KREMEN1: variants seen among roughly 807,000 people sequenced by gnomAD.
The protein encoded by KREMEN1 is kringle containing transmembrane protein 1.
In KREMEN1, 30 loss-of-function variants were observed where a neutral mutation model predicts 46.5. The ratio of observed to expected loss-of-function variants is 0.65; its 90% confidence interval spans 0.48 to 0.88. The LOEUF (loss-of-function observed/expected upper bound fraction) is 0.88. KREMEN1 is among the 40% of genes least tolerant of loss of function. The pLI is 0.00. For missense variants in KREMEN1, 533 were observed against 596.9 expected, an observed-to-expected ratio of 0.89 and a Z score of 1.11; for synonymous variants, 214 against 230.6, an observed-to-expected ratio of 0.93 and a Z score of 0.65.
chr22:29,101,252 C>CAAAAAA (rs368843166), intron 3 of KREMEN1, among the ~76,000 whole-genome samples: 5 of 74,786 alleles, frequency 6.7e-5, no homozygotes, highest in Admixed American at 1.7e-4. Context: ...AGTCTGTCTC[C>CAAAAAA]AAAAAAAAAA....
intron 1 of KREMEN1, among the ~76,000 whole-genome samples, chr22:29,074,868 A>C (rs894527402): frequency 6.6e-6 from 1 of 152,236 alleles, no homozygotes; most frequent in Non-Finnish European, 1.5e-5. Context: ...TGTTGTGAAG[A>C]TTAAATGATA....
intron 9 of KREMEN1, among the ~76,000 whole-genome samples, chr22:29,162,943 T>C (rs2145876801): frequency 6.6e-6 from 1 of 152,262 alleles, no homozygotes; most frequent in Admixed American, 6.5e-5. Flanking sequence ...AAGAATTAAA[T>C]CATGTACTTT....
At chr22:29,123,008 T>C (rs1217692080) in intron 4 of KREMEN1, among the ~76,000 whole-genome samples, 1 of 137,664 alleles carries the variant, frequency 7.3e-6, no homozygotes, top group Admixed American at 7.2e-5. Context: ...TCCAAAACAG[T>C]AGGCTAATTG....
intron 5 of KREMEN1, among the ~76,000 whole-genome samples, chr22:29,126,648 A>G (rs1321626378): frequency 1.3e-5 from 2 of 152,220 alleles, no homozygotes; most frequent in African/African-American, 2.4e-5. Flanking sequence ...TTATCTTTCT[A>G]GGGGACACAA....
chr22:29,161,081 A>G (rs2039005811), intron 9 of KREMEN1, among the ~76,000 whole-genome samples: 1 of 152,232 alleles, frequency 6.6e-6, no homozygotes, highest in South Asian at 2.1e-4. Flanking sequence ...CTCAGAGACT[A>G]TTATGAACAC....
chr22:29,102,858 A>G (rs2037997645), intron 3 of KREMEN1, among the ~76,000 whole-genome samples: 2 of 152,152 alleles, frequency 1.3e-5, no homozygotes, highest in Non-Finnish European at 2.9e-5. Context: ...TGAGAGCTCT[A>G]TAGTACCTGG....
At chr22:29,161,455 T>A (rs550327844) in intron 9 of KREMEN1, among the ~76,000 whole-genome samples, 2 of 130,442 alleles carry the variant, frequency 1.5e-5, no homozygotes, top group Non-Finnish European at 3.1e-5. Context: ...TGCAGTGAGC[T>A]GAGATTGCGC....
chr22:29,091,741 C>G (rs956267152), intron 1 of KREMEN1, among the ~76,000 whole-genome samples: 3 of 152,132 alleles, frequency 2.0e-5, no homozygotes, highest in Admixed American at 6.5e-5. Context: ...TTGTCTCTCT[C>G]TCTCTCTTTC....
intron 5 of KREMEN1, among the ~76,000 whole-genome samples, chr22:29,136,708 A>T (rs2038663000): frequency 6.6e-6 from 1 of 152,178 alleles, no homozygotes; most frequent in Non-Finnish European, 1.5e-5. Flanking sequence ...TATCAAAAAC[A>T]GGAGTCCAGA....
Position 29,144,146 on chromosome 22 carries a change from C to G in KREMEN1, c.*2034C>G, listed in dbSNP as rs1013850174. On this transcript the variant is annotated 3_prime_UTR_variant, in exon 9 of 9. Coordinates refer to ENST00000400335, the MANE Select transcript of KREMEN1 (RefSeq NM_001039570.3). ...GGCACTTGGGCCTGGGTGATTGTTG[C>G]GCCTCTGGCTTTGGCGTTTCCTCTT... 1 of 985,578 alleles carries G rather than the reference C, an allele frequency of 1.0e-6. No individual in the cohort carries two copies. Among genetic ancestry groups the G allele is most frequent in the East Asian group, 1.1e-4 (1 of 8,814 alleles). 61.1% of individuals were successfully genotyped at this position (985,578 alleles called of 1,614,324 possible). A position where few individuals can be genotyped will look rare whatever the true frequency, so the allele number is the denominator to read the frequency against.
chr22:29,108,440 C>T (rs1225797319), intron 3 of KREMEN1, among the ~76,000 whole-genome samples: 1 of 152,194 alleles, frequency 6.6e-6, no homozygotes, highest in Non-Finnish European at 1.5e-5. Flanking sequence ...TAGCTTTAGG[C>T]ACAATGACTC....
rs1395904246 is a variant in KREMEN1, at chr22:29,079,195, TTC to T, written c.97+5972_97+5973del. Among the ~76,000 whole-genome samples the T allele has an allele frequency of 2.0e-5, 3 of 152,314 alleles. No individual in the cohort carries two copies. The East Asian group carries it at 5.8e-4, about 29-fold the overall frequency. On this transcript the variant is annotated intron_variant, in intron 1 of 8. Coordinates refer to ENST00000400335, the MANE Select transcript of KREMEN1 (RefSeq NM_001039570.3). ...AATAACTACTCCACAGAAACGTGACTTCTCTTCTAAGGGAATTCCTTCCCCTC... is the reference window on the plus strand; with the variant it reads ...AATAACTACTCCACAGAAACGTGACTTCTTCTAAGGGAATTCCTTCCCCTC...
chr22:29,079,190 G>A (rs905345654), intron 1 of KREMEN1, among the ~76,000 whole-genome samples: 2 of 152,168 alleles, frequency 1.3e-5, no homozygotes, highest in Non-Finnish European at 2.9e-5. Flanking sequence ...CCACAGAAAC[G>A]TGACTTCTCT....
chr22:29,090,085 C>T (rs1049654414), intron 1 of KREMEN1, among the ~76,000 whole-genome samples: 1 of 152,180 alleles, frequency 6.6e-6, no homozygotes, highest in Non-Finnish European at 1.5e-5. Context: ...ATCTCTGTAG[C>T]CCCAGTGCTG....
At chr22:29,134,896 A>C (rs1200368686) in intron 5 of KREMEN1, among the ~76,000 whole-genome samples, 1 of 151,714 alleles carries the variant, frequency 6.6e-6, no homozygotes, top group Non-Finnish European at 1.5e-5. Flanking sequence ...CTCCTTCTCC[A>C]CCCTCTTTCC....
In KREMEN1 at chr22:29,090,620, G is replaced by C. The variant is rs145961070; in HGVS notation, c.98-3638G>C. Among the ~76,000 whole-genome samples, 599 of 151,980 alleles carry C rather than the reference G, an allele frequency of 3.9e-3. 4 individuals are homozygous for C. The highest frequency in any genetic ancestry group is 0.014 in the African/African-American group (571 of 41,436). ...CCATATTCTAGCAATCTCAGTTCTA[G>C]GTATATATTCAAAGGAAATAAAATC... On this transcript the variant is annotated intron_variant, in intron 1 of 8. Transcript: ENST00000400335.
intron 9 of KREMEN1, among the ~76,000 whole-genome samples, chr22:29,158,226 G>A (rs1221885636): frequency 6.6e-6 from 1 of 152,182 alleles, no homozygotes; most frequent in Non-Finnish European, 1.5e-5. Context: ...TGTGGTCCAG[G>A]TTCCTCACGT....
chr22:29,143,355 A>G lies in KREMEN1; in HGVS notation c.*1243A>G. On this transcript the variant is annotated 3_prime_UTR_variant, in exon 9 of 9. Coordinates refer to ENST00000400335, the MANE Select transcript of KREMEN1 (RefSeq NM_001039570.3). ...AGCTAACTCTCAGTTCAGAGTGGAG[A>G]GTATCAATCTTGTGTTTTTGCCCTT... 2.0e-6 allele frequency: 2 copies of G among 985,386 alleles called. No individual in the cohort carries two copies. Among genetic ancestry groups the G allele is most frequent in the Non-Finnish European group, 2.4e-6 (2 of 829,938 alleles). 61.0% of individuals were successfully genotyped at this position (985,386 alleles called of 1,614,324 possible).
At chr22:29,153,351 T>G (rs1449269261) in intron 9 of KREMEN1, among the ~76,000 whole-genome samples, 1 of 152,132 alleles carries the variant, frequency 6.6e-6, no homozygotes, top group Non-Finnish European at 1.5e-5. Context: ...GGTCTCAGCC[T>G]CATTTTATTC....
Sources: gnomAD v4.1 joint callset for allele counts (sites outside exome capture counted in the v4.1 genomes callset) on GRCh38, gnomAD v4.1.1 for gene constraint, MANE v1.5 for transcripts, NCBI Gene and HGNC (gene_info 2026-07-23, HGNC 2026-07-21) for gene names.